The following FNBP1 variants were observed in gnomAD, a reference collection of about 807,000 sequenced individuals.
FNBP1 encodes the protein formin binding protein 1, also known as formin-binding protein 1.
In FNBP1, 26 loss-of-function variants were observed where a neutral mutation model predicts 90.6. The ratio of observed to expected loss-of-function variants is 0.29; its 90% CI spans 0.21 to 0.40. The LOEUF (loss-of-function observed/expected upper bound fraction) is 0.40. Ranked by LOEUF, FNBP1 falls within the 10% of genes least tolerant of loss-of-function variation. FNBP1 has a pLI of 1.00. For synonymous variants in FNBP1, 260 were observed against 265.2 expected (o/e 0.98, Z 0.19); for missense variants, 635 against 768.0 (o/e 0.83, Z 2.05).
chr9:129,906,433 A>C (rs1182018018), intron 12 of FNBP1, among the ~76,000 whole-genome samples: 1 of 152,074 alleles, frequency 6.6e-6, no homozygotes, highest in Admixed American at 6.6e-5. Context: ...GTGGGAAGTA[A>C]TTGAATCATG....
intron 16 of FNBP1, among the ~76,000 whole-genome samples, chr9:129,893,628 A>AAAAAAAAAAAAAAAAAAAAAAAAC: frequency 7.5e-6 from 1 of 133,608 alleles, no homozygotes; most frequent in African/African-American, 2.8e-5. Context: ...AAAAAAAAAA[A>AAAAAAAAAAAAAAAAAAAAAAAAC]AAAAAAAAAG....
rs892285187 is a variant in FNBP1 at position 129,900,506 on chromosome 9, G to A, written c.1470C>T (p.Ser490=). ...GTCCGCTCTGCCGGCGCGCCTGCTCGCTGCGTGCTGGGAGCCGGCCTTCAA... is the reference window on the plus strand; with the variant it reads ...GTCCGCTCTGCCGGCGCGCCTGCTCACTGCGTGCTGGGAGCCGGCCTTCAA... ...AEVEGRLPAR[S]EQARRQSGLY... is the part of the protein sequence containing the mutation. Residue 490 remains serine (S), a synonymous_variant, in exon 14 of 17, where the codon AGC becomes AGT. Coordinates refer to ENST00000446176, the MANE Select transcript of FNBP1 (RefSeq NM_015033.3). This position sits in a 1 kb window ranked among gnomAD's most constrained non-coding sequence, Gnocchi z 4.1. 6.9e-6 allele frequency: 11 copies of A among 1,596,352 alleles called. No homozygotes were observed. The highest frequency in any genetic ancestry group is 3.6e-5 in the Admixed American group (2 of 56,296).
At chr9:129,975,817 C>T (rs548418665) in intron 4 of FNBP1, among the ~76,000 whole-genome samples, 5 of 147,742 alleles carry the variant, frequency 3.4e-5, no homozygotes, top group Admixed American at 6.9e-5. Flanking sequence ...GCAGGAGAAT[C>T]GCTTGAACCT....
chr9:130,003,672 C>CCA (rs1226317844), intron 1 of FNBP1, among the ~76,000 whole-genome samples: 2 of 150,570 alleles, frequency 1.3e-5, no homozygotes, highest in African/African-American at 4.9e-5. Context: ...GCCTGTAATT[C>CCA]CAGCACTTTG....
At chr9:129,970,107 ATAT>A (rs1233543749) in intron 4 of FNBP1, among the ~76,000 whole-genome samples, 1 of 150,874 alleles carries the variant, frequency 6.6e-6, no homozygotes, top group Non-Finnish European at 1.5e-5. Flanking sequence ...GGGTTTCACC[ATAT>A]TAGCTAAGAT....
Position 130,042,567 on chromosome 9 carries a change from C to A in FNBP1, c.24+385G>T, listed in dbSNP as rs141524520. On this transcript the variant is annotated intron_variant, in intron 1 of 16. Transcript: ENST00000446176. This position sits in a 1 kb window ranked among gnomAD's most constrained non-coding sequence, Gnocchi z 5.5. The stretch of plus-strand genomic sequence containing the variant: ...GGCGCCCCGAGACCCAACGCAGCGC[C>A]GCGCAGCCGGGGCCTCCACGCCCCC... 0.022 allele frequency among the ~76,000 whole-genome samples: 3,268 copies of A among 151,778 alleles called. 47 individuals are homozygous for A. Among genetic ancestry groups the A allele is most frequent in the Middle Eastern group, 0.034 (10 of 290 alleles).
At chr9:129,931,051 C>A (rs1402898943) in intron 6 of FNBP1, among the ~76,000 whole-genome samples, 1 of 152,130 alleles carries the variant, frequency 6.6e-6, no homozygotes, top group African/African-American at 2.4e-5. Flanking sequence ...CGCCTGCAAT[C>A]CCAGCTCTAT....
chr9:130,001,319 CA>C (rs1564543257), intron 1 of FNBP1, among the ~76,000 whole-genome samples: 24 of 142,704 alleles, frequency 1.7e-4, no homozygotes, highest in African/African-American at 5.7e-4. Flanking sequence ...CTCAAAAAAA[CA>C]AAACAAAACA....
At chr9:130,006,231 T>TCAGCAGTCTGAGAC (rs1489062921) in intron 1 of FNBP1, among the ~76,000 whole-genome samples, 1 of 152,060 alleles carries the variant, frequency 6.6e-6, no homozygotes, top group African/African-American at 2.4e-5. Flanking sequence ...TCACTTGAGG[T>TCAGCAGTCTGAGAC]CAGCAGTCTG....
chr9:129,927,425 C>G, intron 7 of FNBP1, 84 bp from the exon 8 acceptor site: 1 of 1,361,204 alleles, frequency 7.3e-7, no homozygotes, highest in Non-Finnish European at 1.0e-6. Flanking sequence ...TTACCTCTAA[C>G]AAGTTCTCTT....
chr9:130,017,442 C>A (rs1339522811), intron 1 of FNBP1, among the ~76,000 whole-genome samples: 1 of 150,908 alleles, frequency 6.6e-6, no homozygotes, highest in African/African-American at 2.4e-5. Flanking sequence ...TTATTTGTTG[C>A]TTCATCTCAT....
At chr9:129,960,855 T>C (rs962213189) in intron 4 of FNBP1, among the ~76,000 whole-genome samples, 1 of 152,034 alleles carries the variant, frequency 6.6e-6, no homozygotes, top group African/African-American at 2.4e-5. Flanking sequence ...TCCAGGATTT[T>C]CTGGGAGATA....
chr9:130,043,329 G>T, upstream of FNBP1: 1 of 185,270 alleles, frequency 5.4e-6, no homozygotes, highest in East Asian at 1.4e-4. Context: ...CCCCCGGCCG[G>T]GTCCGCGTCG....
At chr9:129,947,685 T>C (rs111823352) in intron 6 of FNBP1, among the ~76,000 whole-genome samples, 15,014 of 150,416 alleles carry the variant, frequency 0.1, 849 homozygotes, top group African/African-American at 0.16. Flanking sequence ...TAAAATGGCG[T>C]GATCTCGGCT....
chr9:129,938,663 C>T (rs903223612), intron 6 of FNBP1, among the ~76,000 whole-genome samples: 5 of 152,018 alleles, frequency 3.3e-5, no homozygotes, highest in Admixed American at 6.6e-5. Flanking sequence ...CTCAATCCCA[C>T]ATGGCCCATT....
chr9:129,951,292 G>A (rs1239119928), intron 6 of FNBP1, among the ~76,000 whole-genome samples: 1 of 151,742 alleles, frequency 6.6e-6, no homozygotes, highest in East Asian at 1.9e-4. Context: ...CTGGGTTTCT[G>A]TATGTTGCCC....
At chr9:129,979,779 A>G (rs141104610) in intron 2 of FNBP1, among the ~76,000 whole-genome samples, 4 of 152,134 alleles carry the variant, frequency 2.6e-5, no homozygotes, top group Middle Eastern at 3.4e-3. Context: ...AGCTGGGACT[A>G]CAGGTGCACG....
chr9:129,987,072 C>T (rs138738721), intron 2 of FNBP1, among the ~76,000 whole-genome samples: 1,525 of 152,132 alleles, frequency 0.01, 31 homozygotes, highest in Middle Eastern at 0.031. Context: ...TCAGAAACAG[C>T]CATGTTGCCT....
At chr9:129,902,720 T>C in intron 13 of FNBP1, 149 bp downstream of exon 13, 1 of 718,748 alleles carries the variant, frequency 1.4e-6, no homozygotes, top group Non-Finnish European at 2.3e-6. Flanking sequence ...GAAGAGTGTA[T>C]TTTTCCTTTG....
Sources: allele counts gnomAD v4.1 joint callset (sites outside exome capture counted in the v4.1 genomes callset), GRCh38; gene constraint gnomAD v4.1.1; non-coding constraint Gnocchi (gnomAD v3.1); transcripts MANE v1.5; gene names NCBI Gene and HGNC (gene_info 2026-07-23, HGNC 2026-07-21).